WDR59: variants seen among roughly 807,000 people sequenced by gnomAD.
WDR59 encodes the protein WD repeat domain 59.
A neutral mutation model predicts 131.2 loss-of-function variants in WDR59; 100 were observed. The ratio of observed to expected loss-of-function variants is 0.76; its 90% CI spans 0.65 to 0.90. The LOEUF is 0.90. WDR59 is among the 40% of genes least tolerant of loss of function. WDR59 has a pLI of 0.00. For synonymous variants in WDR59, 601 were observed against 466.2 expected (o/e 1.29, Z -3.72); for missense variants, 1,203 against 1,262.2 (o/e 0.95, Z 0.71).
At position 74,912,246 on chromosome 16, in the gene WDR59, A is replaced by C. The variant is rs777195587; in HGVS notation, c.1341T>G (p.Phe447Leu). Residue 447 changes from phenylalanine to leucine, a missense_variant, in exon 14 of 26, where the codon TTT becomes TTG. Transcript: ENST00000262144. ...TGGATGTGATGGTTGTGGGGTTAAT[A>C]AACTGGAAGGAAGGGGCGGCGTTGT... ...YPNNAAPSFQ[F>L]INPTTITSTM... The C allele has an allele frequency of 1.5e-5, 24 of 1,614,038 alleles. No homozygotes were observed. The Admixed American group carries it at 4.0e-4, about 27-fold the overall frequency.
At chr16:74,937,553 G>A (rs909349092) in intron 8 of WDR59, among the ~76,000 whole-genome samples, 1 of 152,124 alleles carries the variant, frequency 6.6e-6, no homozygotes. Flanking sequence ...CCAGGTTGGA[G>A]TGCAGTGGAT....
At chr16:74,911,205 C>T (rs988633819) in intron 14 of WDR59, among the ~76,000 whole-genome samples, 1 of 152,106 alleles carries the variant, frequency 6.6e-6, no homozygotes, top group Non-Finnish European at 1.5e-5. Context: ...GCAACCTAAT[C>T]GTATCATTTT....
chr16:74,875,855 G>C (rs1567678812), intron 25 of WDR59, among the ~76,000 whole-genome samples: 1 of 152,158 alleles, frequency 6.6e-6, no homozygotes, highest in African/African-American at 2.4e-5. Flanking sequence ...CCATGTTCAA[G>C]AAATGCATCT....
At position 74,932,830 on chromosome 16, in the gene WDR59, T is replaced by G. The variant is rs188965517; in HGVS notation, c.651+5320A>C. On this transcript the variant is annotated intron_variant, in intron 8 of 25. Coordinates refer to ENST00000262144, the MANE Select transcript of WDR59 (RefSeq NM_030581.4). ...TGTCCAGTTAATAGGGTGAAAGGATTTACAAATACCTTTCGATCACATTAG... is the reference window on the plus strand; with the variant it reads ...TGTCCAGTTAATAGGGTGAAAGGATGTACAAATACCTTTCGATCACATTAG... 2.0e-5 allele frequency among the ~76,000 whole-genome samples: 3 copies of G among 152,266 alleles called. No individual in the cohort carries two copies. In the East Asian group the frequency reaches 5.8e-4, roughly 29 times the overall value.
chr16:74,897,419 C>A (rs185790880), intron 18 of WDR59, among the ~76,000 whole-genome samples: 81 of 152,308 alleles, frequency 5.3e-4, no homozygotes, highest in African/African-American at 1.8e-3. Context: ...CTTTGGGTTA[C>A]AAAGATCGGT....
chr16:74,981,433 C>G (rs2034399610), intron 1 of WDR59, among the ~76,000 whole-genome samples: 1 of 149,022 alleles, frequency 6.7e-6, no homozygotes, highest in African/African-American at 2.5e-5. Flanking sequence ...TGGTGTGCAC[C>G]TGTATTCACA....
rs529970726 is a variant in WDR59, at chr16:74,938,327, G to A, written c.535-61C>T. The stretch of plus-strand genomic sequence containing the variant: ...AAAGAACTCTTTGAGTGTCTATCAC[G>A]TAAAAGTCTGCTAGGTAGTGAGTGA... On this transcript the variant is annotated intron_variant, in intron 7 of 25. Coordinates refer to ENST00000262144, the MANE Select transcript of WDR59 (RefSeq NM_030581.4). 6.6e-5 allele frequency: 78 copies of A among 1,184,536 alleles called. 1 individual carries two copies. The South Asian group carries it at 1.2e-3, about 18-fold the overall frequency. The allele number at this position is 1,184,536 out of a possible 1,614,324, so 73.4% of individuals were successfully genotyped here.
chr16:74,886,189 A>AAAAAAAAAAAAAAC, intron 24 of WDR59, 81 bp downstream of exon 24: 1 of 1,465,636 alleles, frequency 6.8e-7, no homozygotes, highest in Non-Finnish European at 9.2e-7. Flanking sequence ...AAAAAAAAAA[A>AAAAAAAAAAAAAAC]AGTAAGAGTT....
chr16:74,931,518 G>C (rs1380512340), intron 8 of WDR59, among the ~76,000 whole-genome samples: 1 of 151,910 alleles, frequency 6.6e-6, no homozygotes, highest in Non-Finnish European at 1.5e-5. Context: ...TGCATTTGTT[G>C]CAGAGATGGG....
chr16:74,968,037 C>A (rs1398719027), intron 1 of WDR59, among the ~76,000 whole-genome samples: 1 of 152,022 alleles, frequency 6.6e-6, no homozygotes, highest in Non-Finnish European at 1.5e-5. Flanking sequence ...AGTAGAGTAT[C>A]CCAGATGCAA....
At position 74,884,928 on chromosome 16, in the gene WDR59, C is replaced by G. The variant is rs149021421; in HGVS notation, c.2689+725G>C. On this transcript the variant is annotated intron_variant, in intron 25 of 25. Coordinates refer to ENST00000262144, the MANE Select transcript of WDR59 (RefSeq NM_030581.4). ...ACACCTCAATTCCTCTTCTAAGATT[C>G]TCCCTCTCTGTTCTCCCTGCCCCCA... 9.2e-3 allele frequency among the ~76,000 whole-genome samples: 1,404 copies of G among 152,308 alleles called. 17 individuals are homozygous for G. The highest frequency in any genetic ancestry group is 0.032 in the African/African-American group (1,316 of 41,556).
chr16:74,940,435 C>T (rs2145089250), intron 7 of WDR59, among the ~76,000 whole-genome samples: 1 of 150,718 alleles, frequency 6.6e-6, no homozygotes, highest in Non-Finnish European at 1.5e-5. Flanking sequence ...ACTTTAAAGG[C>T]TAATTATAAA....
chr16:74,961,185 G>A (rs1413116001), intron 2 of WDR59, among the ~76,000 whole-genome samples: 2 of 151,642 alleles, frequency 1.3e-5, no homozygotes, highest in African/African-American at 2.4e-5. Flanking sequence ...GGTACATGCC[G>A]GCAGTCCCAG....
intron 25 of WDR59, among the ~76,000 whole-genome samples, chr16:74,881,215 C>A (rs1362915248): frequency 6.6e-6 from 1 of 152,166 alleles, no homozygotes; most frequent in Non-Finnish European, 1.5e-5. Context: ...TATTGAATCC[C>A]AATGAAACTA....
At chr16:74,963,723 A>T (rs759681312) in intron 2 of WDR59, among the ~76,000 whole-genome samples, 4 of 152,216 alleles carry the variant, frequency 2.6e-5, no homozygotes, top group Non-Finnish European at 4.4e-5. Context: ...CACATCCTGC[A>T]CATGTATCCT....
At chr16:74,910,430 C>T (rs988861233) in intron 14 of WDR59, among the ~76,000 whole-genome samples, 1 of 152,142 alleles carries the variant, frequency 6.6e-6, no homozygotes, top group East Asian at 1.9e-4. Flanking sequence ...AAGCTCTTTC[C>T]TTAATCAAGG....
intron 18 of WDR59, among the ~76,000 whole-genome samples, chr16:74,895,712 T>C (rs1965266702): frequency 6.6e-6 from 1 of 152,226 alleles, no homozygotes; most frequent in African/African-American, 2.4e-5. Context: ...ATTATGTGCA[T>C]ACACACAAAA....
intron 1 of WDR59, among the ~76,000 whole-genome samples, chr16:74,978,125 G>A (rs1567447552): frequency 6.6e-6 from 1 of 152,150 alleles, no homozygotes; most frequent in Non-Finnish European, 1.5e-5. Flanking sequence ...GGAGGCCAAG[G>A]TGGGTGGATC....
chr16:74,905,382 T>TA (rs1238878475), intron 17 of WDR59, among the ~76,000 whole-genome samples: 1 of 142,620 alleles, frequency 7.0e-6, no homozygotes, highest in African/African-American at 2.6e-5. Flanking sequence ...TCTCAAAAAA[T>TA]AAAAAATAAA....
Sources: gnomAD v4.1 joint callset for allele counts (sites outside exome capture counted in the v4.1 genomes callset) on GRCh38, gnomAD v4.1.1 for gene constraint, MANE v1.5 for transcripts, NCBI Gene and HGNC (gene_info 2026-07-23, HGNC 2026-07-21) for gene names.